Variants in BMPR1A observed in about 807,000 individuals in gnomAD.
The protein encoded by BMPR1A is bone morphogenetic protein receptor type-1A.
Under a neutral mutation model 66.0 loss-of-function variants are expected in BMPR1A, and 7 were observed. That is an observed-to-expected ratio of 0.11 (90% CI 0.06 to 0.20). BMPR1A has a LOEUF of 0.20. Among genes scored for constraint, BMPR1A ranks in the 10% least tolerant of loss-of-function variants. BMPR1A has a pLI of 1.00. For missense variants in BMPR1A, 408 were observed against 669.1 expected (o/e 0.61, Z 4.31); for synonymous variants, 200 against 229.7 (o/e 0.87, Z 1.17).
At chr10:86,920,859 T>TTC (rs1843652242) in intron 10 of BMPR1A, among the ~76,000 whole-genome samples, 2 of 147,294 alleles carry the variant, frequency 1.4e-5, no homozygotes, top group African/African-American at 5.0e-5. Context: ...TTCTTTTCTT[T>TTC]TTTTTTTTTT....
At chr10:86,860,281 G>A (rs1004499539) in intron 2 of BMPR1A, among the ~76,000 whole-genome samples, 1 of 152,136 alleles carries the variant, frequency 6.6e-6, no homozygotes, top group African/African-American at 2.4e-5. Flanking sequence ...ACTTCACAGT[G>A]TTATGTGAAC....
intron 1 of BMPR1A, among the ~76,000 whole-genome samples, chr10:86,834,256 T>C (rs1193255305): frequency 6.6e-6 from 1 of 152,234 alleles, no homozygotes; most frequent in Admixed American, 6.5e-5. Context: ...TTATCTCTTC[T>C]GGAAGAAGCC....
chr10:86,875,138 T>A (rs1482806436), intron 2 of BMPR1A, among the ~76,000 whole-genome samples: 6 of 151,804 alleles, frequency 4.0e-5, no homozygotes, highest in Non-Finnish European at 5.9e-5. Flanking sequence ...TTTGGGAGGC[T>A]GAGGCTGGCG....
intron 1 of BMPR1A, among the ~76,000 whole-genome samples, chr10:86,824,858 AAT>A (rs1842171030): frequency 6.6e-6 from 1 of 152,178 alleles, no homozygotes; most frequent in Non-Finnish European, 1.5e-5. Flanking sequence ...TATGAAATGT[AAT>A]TAGTTTTTCA....
At chr10:86,865,581 C>T (rs547606707) in intron 2 of BMPR1A, among the ~76,000 whole-genome samples, 3 of 152,232 alleles carry the variant, frequency 2.0e-5, no homozygotes, top group Non-Finnish European at 2.9e-5. Flanking sequence ...TTAGTGGTCT[C>T]TTCACACAGA....
chr10:86,865,857 G>A (rs766919415), intron 2 of BMPR1A, among the ~76,000 whole-genome samples: 1 of 152,182 alleles, frequency 6.6e-6, no homozygotes, highest in Non-Finnish European at 1.5e-5. Context: ...TTAGGAGGGG[G>A]TGGTAACCCA....
chr10:86,765,662 A>G (rs1246097254), intron 1 of BMPR1A, among the ~76,000 whole-genome samples: 1 of 152,036 alleles, frequency 6.6e-6, no homozygotes, highest in East Asian at 1.9e-4. Context: ...ACATGGTGAA[A>G]CTCTAGTATA....
intron 7 of BMPR1A, among the ~76,000 whole-genome samples, chr10:86,900,747 C>A (rs1156777917): frequency 6.6e-6 from 1 of 152,184 alleles, no homozygotes; most frequent in Non-Finnish European, 1.5e-5. Context: ...TGGGGTACCA[C>A]AGTTGAGAAA....
chr10:86,759,946 C>A (rs1333927782), intron 1 of BMPR1A, among the ~76,000 whole-genome samples: 1 of 151,814 alleles, frequency 6.6e-6, no homozygotes, highest in East Asian at 1.9e-4. Context: ...ATTTGGCTTT[C>A]ACGTAGTTCT....
chr10:86,831,775 T>C (rs775782444), intron 1 of BMPR1A, among the ~76,000 whole-genome samples: 1 of 152,062 alleles, frequency 6.6e-6, no homozygotes, highest in South Asian at 2.1e-4. Flanking sequence ...AATAAAAAAA[T>C]AGTGACACTA....
rs138052027 is a variant in BMPR1A at position 86,758,829 on chromosome 10, C to T, written c.-268+1910C>T. 9.0e-4 allele frequency among the ~76,000 whole-genome samples: 137 copies of T among 152,280 alleles called. 2 individuals are homozygous for T. In the East Asian group the frequency reaches 0.025, roughly 28 times the overall value. On this transcript the variant is annotated intron_variant, in intron 1 of 12. Coordinates refer to ENST00000372037, the MANE Select transcript of BMPR1A (RefSeq NM_004329.3). ...AATCAACACATTTAACTACCTTTTT[C>T]TAAGTCCTCTCCTTGAGTTTTCTGT...
chr10:86,783,741 A>G (rs1841471684), intron 1 of BMPR1A, among the ~76,000 whole-genome samples: 1 of 152,172 alleles, frequency 6.6e-6, no homozygotes, highest in Admixed American at 6.5e-5. Flanking sequence ...GGCCTGCATC[A>G]CCATGACCAG....
chr10:86,873,753 T>A (rs947505808), intron 2 of BMPR1A, among the ~76,000 whole-genome samples: 2 of 152,246 alleles, frequency 1.3e-5, no homozygotes, highest in African/African-American at 4.8e-5. Flanking sequence ...GACAGTTGAA[T>A]TATTTCAAGA....
chr10:86,865,480 C>A (rs1285382485), intron 2 of BMPR1A, among the ~76,000 whole-genome samples: 5 of 152,136 alleles, frequency 3.3e-5, no homozygotes. Flanking sequence ...AAAACGGCCC[C>A]ACCCTCATCT....
chr10:86,799,514 T>TCCTTC (rs1564688865), intron 1 of BMPR1A, among the ~76,000 whole-genome samples: 5,730 of 137,166 alleles, frequency 0.042, 209 homozygotes, highest in Non-Finnish European at 0.053. Context: ...TCCTTTCTTT[T>TCCTTC]CTTTTCTTTT....
At chr10:86,899,294 A>G (rs780507656) in intron 5 of BMPR1A, among the ~76,000 whole-genome samples, 1 of 152,180 alleles carries the variant, frequency 6.6e-6, no homozygotes, top group Non-Finnish European at 1.5e-5. Flanking sequence ...TCAGCTCTCA[A>G]GAATGCTTTC....
At chr10:86,861,045 G>C (rs1842706106) in intron 2 of BMPR1A, among the ~76,000 whole-genome samples, 1 of 151,894 alleles carries the variant, frequency 6.6e-6, no homozygotes, top group Non-Finnish European at 1.5e-5. Flanking sequence ...GTTTCACCAT[G>C]TTAGCCAGGA....
intron 3 of BMPR1A, among the ~76,000 whole-genome samples, chr10:86,885,904 A>G (rs182110372): frequency 6.6e-6 from 1 of 152,364 alleles, no homozygotes; most frequent in Admixed American, 6.5e-5. Context: ...AAAATCTAGT[A>G]AAATCATTGA....
intron 2 of BMPR1A, among the ~76,000 whole-genome samples, chr10:86,873,790 A>G (rs927116321): frequency 2.6e-5 from 4 of 152,270 alleles, no homozygotes; most frequent in Non-Finnish European, 5.9e-5. Flanking sequence ...CTGTTAAATC[A>G]TGTGGCAGAC....
Sources: gnomAD v4.1 joint callset for allele counts (sites outside exome capture counted in the v4.1 genomes callset) on GRCh38, gnomAD v4.1.1 for gene constraint, MANE v1.5 for transcripts, NCBI Gene and HGNC (gene_info 2026-07-23, HGNC 2026-07-21) for gene names.